The following ZNF704 variants were observed in gnomAD, a reference collection of about 807,000 sequenced individuals.
ZNF704 encodes glucocorticoid induced gene 1.
Under a neutral mutation model 44.7 loss-of-function variants are expected in ZNF704, and 10 were observed. The observed-to-expected ratio is 0.22, with a 90% CI of 0.14 to 0.38. ZNF704 has a LOEUF of 0.38. ZNF704 is among the 10% of genes least tolerant of loss of function. The pLI is 1.00. For missense variants in ZNF704, 390 were observed against 545.5 expected, an observed-to-expected ratio of 0.71 and a Z score of 2.84; for synonymous variants, 211 against 207.6, an observed-to-expected ratio of 1.02 and a Z score of -0.14.
At chr8:80,876,954 A>G (rs572314091), upstream of ZNF704, among the ~76,000 whole-genome samples, 9 of 152,322 alleles carry the variant, frequency 5.9e-5, no homozygotes, top group South Asian at 6.2e-4. Context: ...TAAAATTGCT[A>G]TAGATGAAAG....
chr8:80,862,120 C>T (rs1314384481), intron 1 of ZNF704, among the ~76,000 whole-genome samples: 3 of 145,334 alleles, frequency 2.1e-5, no homozygotes, highest in African/African-American at 7.7e-5. Context: ...TCTCCTGTCT[C>T]AGCCTCCCGA....
intron 2 of ZNF704, among the ~76,000 whole-genome samples, chr8:80,768,765 C>T (rs1436399639): frequency 1.3e-5 from 2 of 152,096 alleles, no homozygotes; most frequent in Non-Finnish European, 2.9e-5. Context: ...CGTGTTTAGA[C>T]ATGTCATTTT....
intron 1 of ZNF704, among the ~76,000 whole-genome samples, chr8:80,834,770 G>A (rs1175133419): frequency 6.6e-6 from 1 of 152,164 alleles, no homozygotes; most frequent in Non-Finnish European, 1.5e-5. Flanking sequence ...ACTCATGAGT[G>A]AGAACATGTG....
chr8:80,729,328 A>G (rs1205169477), intron 2 of ZNF704, among the ~76,000 whole-genome samples: 1 of 152,202 alleles, frequency 6.6e-6, no homozygotes, highest in Non-Finnish European at 1.5e-5. Flanking sequence ...GGGTGGCCTC[A>G]GATAACACAC....
chr8:80,649,555 C>T (rs2131595065), intron 7 of ZNF704, among the ~76,000 whole-genome samples: 1 of 152,302 alleles, frequency 6.6e-6, no homozygotes, highest in East Asian at 1.9e-4. Flanking sequence ...GCCCATGGAG[C>T]CTCACTCATT....
chr8:80,865,473 C>T (rs552085429), intron 1 of ZNF704, among the ~76,000 whole-genome samples: 2 of 152,280 alleles, frequency 1.3e-5, no homozygotes, highest in South Asian at 4.1e-4. Flanking sequence ...TCTCTCCCAT[C>T]TCACTGATGC....
At chr8:80,751,668 T>C (rs370753510) in intron 2 of ZNF704, among the ~76,000 whole-genome samples, 1 of 152,206 alleles carries the variant, frequency 6.6e-6, no homozygotes, top group African/African-American at 2.4e-5. Flanking sequence ...TAAAGTGTGA[T>C]CTTTCAGCAT....
chr8:80,812,429 C>G (rs1048178672), intron 2 of ZNF704: 3 of 155,812 alleles, frequency 1.9e-5, no homozygotes, highest in African/African-American at 7.2e-5. Flanking sequence ...TAGAACGGAA[C>G]AGAAGAAAGG....
rs1271595071 is a variant in ZNF704 at position 80,850,317 on chromosome 8, C to T, written c.-22+24254G>A. Among the ~76,000 whole-genome samples the T allele has an allele frequency of 2.0e-5, 3 of 151,994 alleles. No individual in the cohort carries two copies. The East Asian group carries it at 5.8e-4, about 29-fold the overall frequency. On this transcript the variant is annotated intron_variant, in intron 1 of 8. Transcript: ENST00000327835. ...TGAATCGACTATCATAATCTTTCTG[C>T]AGCTTCTTCTTTTCTTATATGAACT...
intron 2 of ZNF704, among the ~76,000 whole-genome samples, chr8:80,735,388 T>A (rs1311514496): frequency 1.3e-5 from 2 of 152,244 alleles, no homozygotes; most frequent in East Asian, 3.8e-4. Context: ...TGAACTTGCA[T>A]TTTACTCATG....
chr8:80,755,746 C>T (rs1412150680), intron 2 of ZNF704, among the ~76,000 whole-genome samples: 1 of 152,150 alleles, frequency 6.6e-6, no homozygotes, highest in African/African-American at 2.4e-5. Context: ...TCCCAGGACA[C>T]TGAATAGTTT....
intron 2 of ZNF704, among the ~76,000 whole-genome samples, chr8:80,819,035 T>C (rs1808221396): frequency 6.6e-6 from 1 of 152,150 alleles, no homozygotes; most frequent in Non-Finnish European, 1.5e-5. Flanking sequence ...GTATTTATGA[T>C]GATTAAATTC....
Position 80,740,866 on chromosome 8 carries a change from C to T in ZNF704, c.222-47759G>A, listed in dbSNP as rs188685184. Among the ~76,000 whole-genome samples, 196 of 152,384 alleles carry T rather than the reference C, an allele frequency of 1.3e-3. 1 individual carries two copies. The highest frequency in any genetic ancestry group is 4.2e-3 in the African/African-American group (176 of 41,600). ...TAGCCAGTTCTCATACTTGGACACT[C>T]TTGTCCTTTGGTACGTGGATGATTT... On this transcript the variant is annotated intron_variant, in intron 2 of 8. Transcript: ENST00000327835.
At position 80,639,566 on chromosome 8, in the gene ZNF704, A is replaced by C. The variant is rs1817711770; in HGVS notation, c.*1800T>G. ...TTAAAATAAATGTTTTTAAAGAAAA[A>C]AATAAATGAAGAAAAAAACCAGGAT... is the stretch of plus-strand genomic sequence containing the variant. On this transcript the variant is annotated 3_prime_UTR_variant, in exon 9 of 9. Coordinates refer to ENST00000327835, the MANE Select transcript of ZNF704 (RefSeq NM_001033723.3). 1 of 152,222 alleles carries C rather than the reference A, an allele frequency of 6.6e-6. No individual in the cohort carries two copies. The highest frequency in any genetic ancestry group is 2.4e-5 in the African/African-American group (1 of 41,452). 9.4% of individuals were successfully genotyped at this position (152,222 alleles called of 1,614,324 possible).
chr8:80,695,813 A>G (rs1818715866), intron 2 of ZNF704, among the ~76,000 whole-genome samples: 1 of 152,242 alleles, frequency 6.6e-6, no homozygotes, highest in Non-Finnish European at 1.5e-5. Flanking sequence ...GAATGAAAAA[A>G]GGAATAATTA....
chr8:80,765,312 C>T (rs910716598), intron 2 of ZNF704, among the ~76,000 whole-genome samples: 4 of 152,140 alleles, frequency 2.6e-5, no homozygotes, highest in African/African-American at 9.7e-5. Context: ...AGATCCTCCC[C>T]ACCTGGTCCA....
chr8:80,727,276 C>G (rs10100903), intron 2 of ZNF704, among the ~76,000 whole-genome samples: 2 of 152,084 alleles, frequency 1.3e-5, no homozygotes, highest in Non-Finnish European at 2.9e-5. Context: ...GACTTACGAT[C>G]GGCTCAGACC....
intron 2 of ZNF704, among the ~76,000 whole-genome samples, chr8:80,782,013 A>C (rs1807531999): frequency 6.6e-6 from 1 of 152,220 alleles, no homozygotes; most frequent in Non-Finnish European, 1.5e-5. Context: ...GCTATATCTC[A>C]TAATGTTGAA....
chr8:80,692,330 T>C (rs1818651911), intron 3 of ZNF704, among the ~76,000 whole-genome samples: 2 of 151,854 alleles, frequency 1.3e-5, no homozygotes, highest in South Asian at 4.1e-4. Flanking sequence ...AAAATAGTGA[T>C]AATAATACCT....
Sources: gnomAD v4.1 joint callset for allele counts (sites outside exome capture counted in the v4.1 genomes callset) on GRCh38, gnomAD v4.1.1 for gene constraint, MANE v1.5 for transcripts, NCBI Gene and HGNC (gene_info 2026-07-23, HGNC 2026-07-21) for gene names.